Variants in RNF38 observed in about 807,000 individuals in gnomAD.
RNF38 encodes E3 ubiquitin-protein ligase RNF38.
In RNF38, 15 loss-of-function variants were observed where a neutral mutation model predicts 67.2. The ratio of observed to expected loss-of-function variants is 0.22; its 90% CI spans 0.15 to 0.34. The LOEUF is 0.34. Among genes scored for constraint, RNF38 ranks in the 10% least tolerant of loss-of-function variants. The pLI is 1.00. For missense variants in RNF38, 524 were observed against 639.9 expected (o/e 0.82, Z 1.95); for synonymous variants, 220 against 218.8 (o/e 1.01, Z -0.05).
In RNF38 at chr9:36,356,460, C is replaced by T. The variant is rs1834114664; in HGVS notation, c.752G>A (p.Cys251Tyr). Residue 251 changes from cysteine to tyrosine, a missense_variant, in exon 6 of 12, where the codon TGT becomes TAT. Transcript: ENST00000259605. ...TGGTACTGGTAAGTGCTGAACTGAA[C>T]ATGCCTGAAGCATCTGTAAGAGAAA... ...CSVPPPMLQA[C>Y]SVQHLPVPYA... 1 of 1,601,170 alleles carries T rather than the reference C, an allele frequency of 6.2e-7. No homozygotes were observed. The highest frequency in any genetic ancestry group is 1.1e-5 in the South Asian group (1 of 89,198).
At chr9:36,374,498 CAG>C (rs1339918622) in intron 3 of RNF38, among the ~76,000 whole-genome samples, 2 of 152,098 alleles carry the variant, frequency 1.3e-5, no homozygotes, top group Admixed American at 6.6e-5. Context: ...CTTTTTGAGA[CAG>C]AGTCTTGCTC....
chr9:36,387,218 C>T (rs1038733504), intron 2 of RNF38, among the ~76,000 whole-genome samples: 3 of 152,196 alleles, frequency 2.0e-5, no homozygotes, highest in African/African-American at 7.2e-5. Flanking sequence ...CCTTTACTTT[C>T]TTAATAAACT....
upstream of RNF38, chr9:36,401,208 C>A (rs1482720813): frequency 2.1e-6 from 2 of 975,440 alleles, no homozygotes; most frequent in South Asian, 4.8e-5. Context: ...GGGGGCGGGG[C>A]GGGGCGGGGC....
upstream of RNF38, chr9:36,400,969 T>C (rs1306826196): frequency 1.0e-6 from 1 of 982,462 alleles, no homozygotes. Context: ...GGGCTCCCTA[T>C]GCGCCGGCGC....
intron 9 of RNF38, among the ~76,000 whole-genome samples, chr9:36,349,621 G>A (rs1466915773): frequency 6.6e-6 from 1 of 152,060 alleles, no homozygotes; most frequent in Non-Finnish European, 1.5e-5. Context: ...AAGCCTTTTA[G>A]TTCAATGTAG....
intron 2 of RNF38, among the ~76,000 whole-genome samples, chr9:36,377,621 G>T (rs1307478722): frequency 1.3e-5 from 2 of 152,016 alleles, no homozygotes; most frequent in African/African-American, 4.8e-5. Flanking sequence ...AGATTTAACT[G>T]TACAGTCGTC....
In RNF38 at chr9:36,338,242, C is replaced by CTAAAAAAAACCCCATACAGCTATGTATT. The variant is rs1832585836; in HGVS notation, c.*1482_*1509dup. The stretch of plus-strand genomic sequence containing the variant: ...AAGTGAATTATGCTCAAAGAACTTA[C>CTAAAAAAAACCCCATACAGCTATGTATT]TAAAAAAAACCCCATACAGCTATGT... On this transcript the variant is annotated 3_prime_UTR_variant, in exon 12 of 12. Coordinates refer to ENST00000259605, the MANE Select transcript of RNF38 (RefSeq NM_022781.5). 1 of 152,114 alleles carries CTAAAAAAAACCCCATACAGCTATGTATT rather than the reference C, an allele frequency of 6.6e-6. No individual in the cohort carries two copies. Among genetic ancestry groups the CTAAAAAAAACCCCATACAGCTATGTATT allele is most frequent in the Non-Finnish European group, 1.5e-5 (1 of 68,030 alleles). The allele number at this position is 152,114 out of a possible 1,614,324, so 9.4% of individuals were successfully genotyped here. A position where few individuals can be genotyped will look rare whatever the true frequency, so the allele number is the denominator to read the frequency against.
At chr9:36,341,831 T>G (rs867602865) in intron 11 of RNF38, among the ~76,000 whole-genome samples, 2 of 1,992 alleles carry the variant, frequency 1.0e-3, no homozygotes, top group African/African-American at 2.9e-3. Context: ...TATATATATA[T>G]ATATATATAT....
chr9:36,481,799 C>A (rs756448264), intron 1 of RNF38, among the ~76,000 whole-genome samples: 1 of 152,250 alleles, frequency 6.6e-6, no homozygotes, highest in East Asian at 1.9e-4. Context: ...TGTACTCCCC[C>A]CTCCTCTCTC....
At chr9:36,406,786 A>G (rs920444513) in intron 2 of RNF38, among the ~76,000 whole-genome samples, 2 of 152,208 alleles carry the variant, frequency 1.3e-5, no homozygotes, top group African/African-American at 4.8e-5. Context: ...ATAAATTTCA[A>G]AATCTTCCCT....
chr9:36,441,601 C>T lies in RNF38; in HGVS notation n.242-16918G>A, dbSNP rs926171610. On this transcript the variant is annotated intron_variant and non_coding_transcript_variant, in intron 1 of 3. Transcript: ENST00000488058. ...GCCTCCCAAGTGCTGGGATTACAGG[C>T]GTGAGCCACCGCGCCTGGCCCCAAA... is the stretch of plus-strand genomic sequence containing the variant. Among the ~76,000 whole-genome samples, 10 of 152,236 alleles carry T rather than the reference C, an allele frequency of 6.6e-5. No homozygotes were observed. The East Asian group carries it at 1.2e-3, about 18-fold the overall frequency.
Position 36,342,346 on chromosome 9 carries a change from C to T in RNF38, c.1464G>A (p.Lys488=). 1 of 1,612,078 alleles carries T rather than the reference C, an allele frequency of 6.2e-7. No homozygotes were observed. Residue 488 remains lysine (K), a synonymous_variant, in exon 11 of 12, where the codon AAG becomes AAA. Transcript: ENST00000259605. ...TTACCTTAAGCCATTTGTCAACACACTTGGCATGGAACTCGTGGTTACAGG... is the reference window on the plus strand; with the variant it reads ...TTACCTTAAGCCATTTGTCAACACATTTGGCATGGAACTCGTGGTTACAGG... ...VLPCNHEFHA[K]CVDKWLKANR...
chr9:36,466,709 A>G (rs1388607065), intron 1 of RNF38, among the ~76,000 whole-genome samples: 1 of 152,186 alleles, frequency 6.6e-6, no homozygotes, highest in Admixed American at 6.5e-5. Flanking sequence ...CTTTTTGTAA[A>G]TTTATACACA....
intron 2 of RNF38, among the ~76,000 whole-genome samples, chr9:36,388,592 A>G (rs936760676): frequency 1.3e-5 from 2 of 152,184 alleles, no homozygotes; most frequent in Non-Finnish European, 2.9e-5. Context: ...CCATATGGCC[A>G]CTTGACTAGC....
At chr9:36,411,585 A>G (rs903284362) in intron 2 of RNF38, among the ~76,000 whole-genome samples, 3 of 152,150 alleles carry the variant, frequency 2.0e-5, no homozygotes. Flanking sequence ...TCCTTGAGAC[A>G]GAGTCTTGCG....
chr9:36,356,202 T>TTA (rs1233084113), intron 6 of RNF38, 101 bp downstream of exon 6: 6 of 1,150,424 alleles, frequency 5.2e-6, no homozygotes, highest in Middle Eastern at 2.2e-4. Context: ...ATTCGTCTGG[T>TTA]TCTTAAATCC....
At chr9:36,397,760 G>A (rs1837648491) in intron 1 of RNF38, among the ~76,000 whole-genome samples, 1 of 151,814 alleles carries the variant, frequency 6.6e-6, no homozygotes, top group Admixed American at 6.6e-5. Context: ...GGAAAAATAA[G>A]AGTTACATAT....
At chr9:36,464,369 C>G (rs1483076476) in intron 1 of RNF38, among the ~76,000 whole-genome samples, 1 of 151,942 alleles carries the variant, frequency 6.6e-6, no homozygotes, top group East Asian at 1.9e-4. Context: ...GAGTTCGAGA[C>G]CAGCCTGGCC....
At chr9:36,372,500 G>A (rs895278716) in intron 3 of RNF38, 7 of 710,326 alleles carry the variant, frequency 9.9e-6, no homozygotes, top group Non-Finnish European at 1.8e-5. Context: ...GCTCACCTCT[G>A]TAACTGAAAT....
Sources: allele counts gnomAD v4.1 joint callset (sites outside exome capture counted in the v4.1 genomes callset), GRCh38; gene constraint gnomAD v4.1.1; transcripts MANE v1.5; gene names NCBI Gene and HGNC (gene_info 2026-07-23, HGNC 2026-07-21).